METTL24: variants seen among roughly 807,000 people sequenced by gnomAD.
The protein encoded by METTL24 is methyltransferase like 24.
METTL24 carries 29 observed loss-of-function variants against 32.7 expected under a neutral mutation model. The observed-to-expected ratio is 0.89, with a 90% CI of 0.66 to 1.21. METTL24 has a LOEUF of 1.21. METTL24 is among the 50% of genes most tolerant of loss of function. METTL24 has a pLI of 0.00. For missense variants in METTL24, 439 were observed against 468.1 expected, an observed-to-expected ratio of 0.94 and a Z score of 0.57; for synonymous variants, 163 against 179.5, an observed-to-expected ratio of 0.91 and a Z score of 0.73.
chr6:110,307,577 TG>T (rs1170280096), intron 3 of METTL24, among the ~76,000 whole-genome samples: 1 of 152,182 alleles, frequency 6.6e-6, no homozygotes, highest in Non-Finnish European at 1.5e-5. Context: ...CCTGTCTTCT[TG>T]GGGAAGTTGC....
intron 4 of METTL24, among the ~76,000 whole-genome samples, chr6:110,263,455 T>G (rs1028786048): frequency 6.6e-6 from 1 of 152,112 alleles, no homozygotes. Context: ...AAGCCACTGC[T>G]CAACGAAATA....
At chr6:110,308,530 G>A (rs550802699) in intron 3 of METTL24, among the ~76,000 whole-genome samples, 4 of 152,146 alleles carry the variant, frequency 2.6e-5, no homozygotes, top group Non-Finnish European at 4.4e-5. Context: ...GTAAGTGTAG[G>A]CAAGGATATG....
intron 1 of METTL24, among the ~76,000 whole-genome samples, chr6:110,340,691 T>C (rs970479358): frequency 6.6e-6 from 1 of 152,200 alleles, no homozygotes; most frequent in East Asian, 1.9e-4. Flanking sequence ...CATCAAAATT[T>C]TGTAACTCAA....
chr6:110,319,957 C>G (rs530833920), intron 2 of METTL24, among the ~76,000 whole-genome samples: 19 of 152,294 alleles, frequency 1.2e-4, no homozygotes, highest in African/African-American at 3.4e-4. Flanking sequence ...TGTCTCCCCC[C>G]TGTTAGAGAA....
At chr6:110,336,735 C>A (rs1395975407) in intron 1 of METTL24, among the ~76,000 whole-genome samples, 2 of 85,166 alleles carry the variant, frequency 2.3e-5, no homozygotes, top group Non-Finnish European at 2.4e-5. Context: ...CAAGACTCCG[C>A]CTCAAAAAAA....
At chr6:110,252,172 AT>A (rs1272271817) in intron 4 of METTL24, among the ~76,000 whole-genome samples, 2 of 152,176 alleles carry the variant, frequency 1.3e-5, no homozygotes, top group African/African-American at 4.8e-5. Flanking sequence ...AACCTGCTGC[AT>A]TGGGATTCAG....
intron 4 of METTL24, among the ~76,000 whole-genome samples, chr6:110,256,448 C>T (rs140715609): frequency 1.3e-5 from 2 of 152,302 alleles, no homozygotes; most frequent in Non-Finnish European, 2.9e-5. Flanking sequence ...GTAGCATGGT[C>T]ACTCTTGTGT....
At chr6:110,259,705 G>A (rs1054206940) in intron 4 of METTL24, among the ~76,000 whole-genome samples, 2 of 152,220 alleles carry the variant, frequency 1.3e-5, no homozygotes, top group African/African-American at 4.8e-5. Context: ...GCCTAACTGG[G>A]AGGCATCCCC....
At chr6:110,274,627 A>G (rs1771012718) in intron 4 of METTL24, among the ~76,000 whole-genome samples, 1 of 152,118 alleles carries the variant, frequency 6.6e-6, no homozygotes, top group African/African-American at 2.4e-5. Context: ...TGTAACCAAA[A>G]ATCACCCACT....
In METTL24 at chr6:110,322,849, G is replaced by A; in HGVS notation, c.342C>T (p.Leu114=). 1 of 1,613,918 alleles carries A rather than the reference G, an allele frequency of 6.2e-7. No homozygotes were observed. The highest frequency in any genetic ancestry group is 8.5e-7 in the Non-Finnish European group (1 of 1,179,892). ...RRKGPRWHID[L]QPWAGSAQSL... ...ACTGAGCAGAGCCTGCCCAAGGCTG[G>A]AGATCTATATGCCACCGGGGACCCT... Residue 114 remains leucine, a synonymous_variant, in exon 2 of 5, where the codon CTC becomes CTT. Transcript: ENST00000338882.
At chr6:110,349,240 T>G (rs139932104) in intron 1 of METTL24, among the ~76,000 whole-genome samples, 1 of 152,256 alleles carries the variant, frequency 6.6e-6, no homozygotes, top group Non-Finnish European at 1.5e-5. Context: ...TGGGTGGGAC[T>G]GAGCAACTGG....
intron 4 of METTL24, among the ~76,000 whole-genome samples, chr6:110,295,236 ATGGGATGTG>A (rs1333580248): frequency 6.6e-6 from 1 of 151,874 alleles, no homozygotes; most frequent in African/African-American, 2.4e-5. Flanking sequence ...TTTTGTAGAG[ATGGGATGTG>A]CTATGTTGCC....
chr6:110,264,075 T>G (rs370693403), intron 4 of METTL24, among the ~76,000 whole-genome samples: 4 of 151,756 alleles, frequency 2.6e-5, no homozygotes, highest in African/African-American at 9.7e-5. Flanking sequence ...GGACTTCATG[T>G]CTAAAACACC....
chr6:110,357,780 G>A (rs181815281), intron 1 of METTL24, 175 bp downstream of exon 1: 18 of 229,954 alleles, frequency 7.8e-5, no homozygotes, highest in Non-Finnish European at 1.6e-5. Flanking sequence ...GTCTATCTGG[G>A]CACTGAAAGA....
chr6:110,255,106 T>A (rs1370956078), intron 4 of METTL24, among the ~76,000 whole-genome samples: 1 of 152,140 alleles, frequency 6.6e-6, no homozygotes. Context: ...CTACAGATTA[T>A]GAGAAATATG....
At chr6:110,329,633 T>A (rs1772078873) in intron 1 of METTL24, among the ~76,000 whole-genome samples, 1 of 152,072 alleles carries the variant, frequency 6.6e-6, no homozygotes. Context: ...TGCCCAGCGC[T>A]TCTGAAGGCT....
intron 1 of METTL24, among the ~76,000 whole-genome samples, chr6:110,335,563 ATTGT>A (rs1562241083): frequency 1.2e-4 from 14 of 113,644 alleles, no homozygotes; most frequent in East Asian, 2.6e-4. Context: ...GTAGGGAATC[ATTGT>A]TTTTTTTTTT....
intron 1 of METTL24, among the ~76,000 whole-genome samples, chr6:110,345,583 C>A (rs1227736797): frequency 1.3e-5 from 2 of 152,154 alleles, no homozygotes. Context: ...ACACCATGGA[C>A]TGTTGGGCAG....
intron 4 of METTL24, among the ~76,000 whole-genome samples, chr6:110,294,413 A>G (rs1771374271): frequency 6.6e-6 from 1 of 151,840 alleles, no homozygotes; most frequent in Admixed American, 6.6e-5. Context: ...TTAAAATTTT[A>G]TAGTTAATTA....
Sources: gnomAD v4.1 joint callset for allele counts (sites outside exome capture counted in the v4.1 genomes callset) on GRCh38, gnomAD v4.1.1 for gene constraint, MANE v1.5 for transcripts, NCBI Gene and HGNC (gene_info 2026-07-23, HGNC 2026-07-21) for gene names.